Variants in UTRN observed in about 807,000 individuals in gnomAD.
UTRN encodes dystrophin-related protein 1.
Under a neutral mutation model 463.9 loss-of-function variants are expected in UTRN, and 283 were observed. The observed-to-expected ratio is 0.61, with a 90% CI of 0.55 to 0.67. The LOEUF (loss-of-function observed/expected upper bound fraction) is 0.67, where lower values mean the gene tolerates loss of function less well. UTRN is among the 30% of genes least tolerant of loss of function. The pLI is 0.00. For synonymous variants in UTRN, 1,442 were observed against 1,431.5 expected, an observed-to-expected ratio of 1.01 and a Z score of -0.17; for missense variants, 3,922 against 4,084.3, an observed-to-expected ratio of 0.96 and a Z score of 1.08.
chr6:144,771,836 A>G, intron 58 of UTRN, 71 bp from the exon 59 acceptor site: 1 of 1,134,244 alleles, frequency 8.8e-7, no homozygotes, highest in Non-Finnish European at 1.3e-6. Context: ...CTACTTGGGT[A>G]TTTCGTTTTT....
At chr6:144,753,588 C>T (rs1791630236) in intron 56 of UTRN, among the ~76,000 whole-genome samples, 1 of 151,960 alleles carries the variant, frequency 6.6e-6, no homozygotes, top group Admixed American at 6.6e-5. Context: ...CACCGCACTC[C>T]AGCCTGGGCA....
intron 2 of UTRN, among the ~76,000 whole-genome samples, chr6:144,346,682 G>C (rs1282930123): frequency 6.6e-6 from 1 of 152,134 alleles, no homozygotes; most frequent in South Asian, 2.1e-4. Flanking sequence ...AATTAGCTGG[G>C]TGTGGTGGTG....
intron 50 of UTRN, among the ~76,000 whole-genome samples, chr6:144,568,482 G>C (rs1315281285): frequency 6.6e-6 from 1 of 151,962 alleles, no homozygotes; most frequent in African/African-American, 2.4e-5. Context: ...GCTGTGTTCT[G>C]ATCTTTCTTG....
chr6:144,330,336 G>C (rs1184099933), intron 2 of UTRN, among the ~76,000 whole-genome samples: 1 of 152,180 alleles, frequency 6.6e-6, no homozygotes, highest in Non-Finnish European at 1.5e-5. Flanking sequence ...CCTGATTGAA[G>C]GGGCATGGTT....
chr6:144,719,755 T>G (rs1250263813), intron 53 of UTRN, among the ~76,000 whole-genome samples: 1 of 152,128 alleles, frequency 6.6e-6, no homozygotes, highest in Non-Finnish European at 1.5e-5. Flanking sequence ...GGTAGGAAGT[T>G]TAGAATTTAT....
At chr6:144,288,460 A>G (rs1163281497) in intron 1 of UTRN, among the ~76,000 whole-genome samples, 1 of 152,188 alleles carries the variant, frequency 6.6e-6, no homozygotes, top group Admixed American at 6.5e-5. Context: ...AAAGTGATAC[A>G]CTGTAGTTCT....
intron 66 of UTRN, among the ~76,000 whole-genome samples, chr6:144,824,435 G>GTATATATATACACTATGTATATATATTA (rs1562954245): frequency 9.5e-6 from 1 of 105,548 alleles, no homozygotes; most frequent in East Asian, 3.9e-4. Context: ...CACACACATT[G>GTATATATATACACTATGTATATATATTA]TATATATATA....
chr6:144,324,944 GA>G (rs1775884751), intron 2 of UTRN, among the ~76,000 whole-genome samples: 1 of 152,174 alleles, frequency 6.6e-6, no homozygotes, highest in Non-Finnish European at 1.5e-5. Flanking sequence ...GCTGAAAACT[GA>G]GAGTTTGGTT....
intron 51 of UTRN, among the ~76,000 whole-genome samples, chr6:144,589,516 C>T (rs958542577): frequency 1.1e-4 from 17 of 152,130 alleles, no homozygotes; most frequent in Non-Finnish European, 2.1e-4. Context: ...CTTCAATAGC[C>T]AGTGTCTCTC....
chr6:144,594,610 A>G (rs1803455974), intron 51 of UTRN, among the ~76,000 whole-genome samples: 1 of 152,158 alleles, frequency 6.6e-6, no homozygotes, highest in Admixed American at 6.5e-5. Flanking sequence ...TTTTCTTTTC[A>G]AAATAGTCTT....
At chr6:144,736,770 G>A (rs542117259) in intron 54 of UTRN, among the ~76,000 whole-genome samples, 2 of 152,242 alleles carry the variant, frequency 1.3e-5, no homozygotes, top group South Asian at 2.1e-4. Flanking sequence ...TTTTCCATCC[G>A]GCCCCACCTT....
chr6:144,791,484 A>G (rs535187724), intron 62 of UTRN, among the ~76,000 whole-genome samples: 2 of 151,982 alleles, frequency 1.3e-5, no homozygotes, highest in East Asian at 3.9e-4. Context: ...AGGTGGGAGG[A>G]TCACTTGAGC....
chr6:144,384,757 G>A (rs1198907935), intron 2 of UTRN, among the ~76,000 whole-genome samples: 1 of 152,084 alleles, frequency 6.6e-6, no homozygotes, highest in Admixed American at 6.5e-5. Flanking sequence ...TTCAAGGCTG[G>A]TTATTATTCC....
chr6:144,685,038 C>T (rs770955774), intron 52 of UTRN, among the ~76,000 whole-genome samples: 5 of 152,040 alleles, frequency 3.3e-5, no homozygotes, highest in Admixed American at 1.3e-4. Context: ...GTAACCTCCC[C>T]GACCTCTGAG....
At chr6:144,568,089 T>A (rs1192648526) in intron 50 of UTRN, among the ~76,000 whole-genome samples, 2 of 152,022 alleles carry the variant, frequency 1.3e-5, no homozygotes, top group East Asian at 1.9e-4. Context: ...CGTTTACATT[T>A]AAAAAAAATC....
Position 144,511,106 on chromosome 6 carries a change from T to C in UTRN, c.4927T>C (p.Trp1643Arg). ...CCGAGTTCGTACCTGGACTGAAGAT[T>C]GGTGCAATACCTTGATGGTATGTCT... Reference protein sequence around the residue: ...WSRVRTWTEDWCNTLMNHQNQ... With the variant: ...WSRVRTWTEDRCNTLMNHQNQ... Residue 1643 changes from tryptophan (W) to arginine (R), a missense_variant, in exon 35 of 75, where the codon TGG becomes CGG. Coordinates refer to ENST00000367545, the MANE Select transcript of UTRN (RefSeq NM_007124.3). 6.2e-7 allele frequency: 1 copy of C among 1,600,860 alleles called. No homozygotes were observed. Among genetic ancestry groups the C allele is most frequent in the South Asian group, 1.1e-5 (1 of 89,598 alleles).
intron 64 of UTRN, among the ~76,000 whole-genome samples, chr6:144,802,703 A>G (rs1012103532): frequency 2.6e-5 from 4 of 152,120 alleles, no homozygotes; most frequent in Non-Finnish European, 5.9e-5. Flanking sequence ...AAAAGTGCTC[A>G]TTGTTGAAAA....
In UTRN at chr6:144,510,977, G is replaced by A. The variant is rs367850908; in HGVS notation, c.4798G>A (p.Asp1600Asn). 6.2e-7 allele frequency: 1 copy of A among 1,606,628 alleles called. No individual in the cohort carries two copies. Among genetic ancestry groups the A allele is most frequent in the African/African-American group, 1.3e-5 (1 of 74,654 alleles). Reference sequence around the variant, plus strand: ...GAAGGATCTGGAAAAGAGAAAAGCTGATTTAAATACCATCACAGAGAGTAG... The same window carrying A: ...GAAGGATCTGGAAAAGAGAAAAGCTAATTTAAATACCATCACAGAGAGTAG... ...VLKDLEKRKADLNTITESSAA... is the reference protein window; with the variant it reads ...VLKDLEKRKANLNTITESSAA... The change falls in exon 35 of 75, where the codon GAT becomes AAT. Residue 1600 changes from aspartate to asparagine, a missense_variant. Transcript: ENST00000367545.
chr6:144,525,926 A>G (rs1283187929), intron 41 of UTRN, among the ~76,000 whole-genome samples: 2 of 152,066 alleles, frequency 1.3e-5, no homozygotes, highest in African/African-American at 4.8e-5. Context: ...TTCCATCTTG[A>G]TTTCATTGAT....
Sources: allele counts gnomAD v4.1 joint callset (sites outside exome capture counted in the v4.1 genomes callset), GRCh38; gene constraint gnomAD v4.1.1; transcripts MANE v1.5; gene names NCBI Gene and HGNC (gene_info 2026-07-23, HGNC 2026-07-21).